The following GRIK2 variants were observed in gnomAD, a reference collection of about 807,000 sequenced individuals.
The protein encoded by GRIK2 is glutamate receptor ionotropic, kainate 2.
Under a neutral mutation model 100.3 loss-of-function variants are expected in GRIK2, and 32 were observed. The ratio of observed to expected loss-of-function variants is 0.32; its 90% CI spans 0.24 to 0.43. GRIK2 has a LOEUF of 0.43. Among genes scored for constraint, GRIK2 ranks in the 20% least tolerant of loss-of-function variants. The pLI is 1.00. For synonymous variants in GRIK2, 417 were observed against 389.4 expected, an observed-to-expected ratio of 1.07 and a Z score of -0.83; for missense variants, 843 against 1,114.9, an observed-to-expected ratio of 0.76 and a Z score of 3.47.
At chr6:101,843,310 C>T (rs1165290455) in intron 10 of GRIK2, among the ~76,000 whole-genome samples, 1 of 152,088 alleles carries the variant, frequency 6.6e-6, no homozygotes, top group African/African-American at 2.4e-5. Context: ...TTTTTCCTAA[C>T]TTAGGCCTTC....
At chr6:101,469,854 A>G (rs1188126593) in intron 2 of GRIK2, among the ~76,000 whole-genome samples, 1 of 152,164 alleles carries the variant, frequency 6.6e-6, no homozygotes, top group African/African-American at 2.4e-5. Context: ...CTTCATCTAA[A>G]TAGTCCTCTT....
rs565594620 is a variant in GRIK2, at chr6:101,713,389, G to C, written c.951+27036G>C. Reference sequence around the variant, plus strand: ...AATGCTAATTTTCTTCAGGTAATTCGGTTCGTGAAGACTGAAAGTCATTAT... The same window carrying C: ...AATGCTAATTTTCTTCAGGTAATTCCGTTCGTGAAGACTGAAAGTCATTAT... On this transcript the variant is annotated intron_variant, in intron 7 of 16. Coordinates refer to ENST00000369134, the MANE Select transcript of GRIK2 (RefSeq NM_021956.5). Among the ~76,000 whole-genome samples, 260 of 151,564 alleles carry C rather than the reference G, an allele frequency of 1.7e-3. 2 individuals are homozygous for C. The highest frequency in any genetic ancestry group is 5.7e-3 in the African/African-American group (235 of 41,394).
Position 101,975,158 on chromosome 6 carries a change from G to C in GRIK2, c.2085+46526G>C, listed in dbSNP as rs181694870. 2.6e-5 allele frequency among the ~76,000 whole-genome samples: 4 copies of C among 151,950 alleles called. 1 individual carries two copies. Among genetic ancestry groups the C allele is most frequent in the Admixed American group, 2.6e-4 (4 of 15,254 alleles). ...AGGAAAATAGTAGAGAAAAATCGTA[G>C]TTTCAGTTTGGGGTCTGTTAACTTT... On this transcript the variant is annotated intron_variant, in intron 14 of 16. Transcript: ENST00000369134.
At chr6:101,909,437 A>ATAAGAAG (rs1788504289) in intron 12 of GRIK2, among the ~76,000 whole-genome samples, 1 of 127,220 alleles carries the variant, frequency 7.9e-6, no homozygotes, top group South Asian at 2.4e-4. Flanking sequence ...GTCTACTGCT[A>ATAAGAAG]TAAGAAGTTG....
intron 9 of GRIK2, among the ~76,000 whole-genome samples, chr6:101,803,171 ATG>A (rs1780777558): frequency 6.6e-6 from 1 of 151,924 alleles, no homozygotes. Flanking sequence ...GAAAAATTAT[ATG>A]TGACTGAGAT....
chr6:101,849,190 G>A (rs1212258106), intron 10 of GRIK2, among the ~76,000 whole-genome samples: 1 of 151,642 alleles, frequency 6.6e-6, no homozygotes, highest in South Asian at 2.1e-4. Flanking sequence ...GAAGATTTGG[G>A]AAAATTCAAG....
chr6:101,503,891 A>G (rs1376569246), intron 2 of GRIK2, among the ~76,000 whole-genome samples: 1 of 152,150 alleles, frequency 6.6e-6, no homozygotes. Context: ...AGGTTGTGGG[A>G]AGACAAGGTA....
intron 16 of GRIK2, among the ~76,000 whole-genome samples, chr6:102,059,750 A>G (rs917617730): frequency 1.5e-4 from 23 of 150,656 alleles, no homozygotes; most frequent in Non-Finnish European, 3.1e-4. Context: ...GACATACATA[A>G]TTTTTCTTTT....
intron 2 of GRIK2, among the ~76,000 whole-genome samples, chr6:101,435,921 C>G (rs1228142192): frequency 6.6e-6 from 1 of 152,118 alleles, no homozygotes; most frequent in African/African-American, 2.4e-5. Context: ...ATTACTTTTA[C>G]ACATGAATAA....
intron 14 of GRIK2, among the ~76,000 whole-genome samples, chr6:101,937,507 G>A (rs2791804): frequency 0.034 from 5,200 of 152,118 alleles, 318 homozygotes; most frequent in African/African-American, 0.12. Flanking sequence ...ATTCAAGAAG[G>A]ACATATTTTG....
At chr6:101,399,788 G>GT (rs531739828) in intron 2 of GRIK2, among the ~76,000 whole-genome samples, 248 of 152,318 alleles carry the variant, frequency 1.6e-3, no homozygotes, top group African/African-American at 5.4e-3. Flanking sequence ...TGCGGGGCTG[G>GT]TGAGTTAACA....
At chr6:101,460,033 A>T (rs1434628597) in intron 2 of GRIK2, among the ~76,000 whole-genome samples, 1 of 152,168 alleles carries the variant, frequency 6.6e-6, no homozygotes, top group Non-Finnish European at 1.5e-5. Flanking sequence ...CTGGGATTAT[A>T]GGCATGAGCC....
chr6:101,829,283 A>C lies in GRIK2; in HGVS notation c.1317+10800A>C, dbSNP rs554392412. Among the ~76,000 whole-genome samples, 13 of 152,028 alleles carry C rather than the reference A, an allele frequency of 8.6e-5. 1 individual carries two copies. Among genetic ancestry groups the C allele is most frequent in the Admixed American group, 5.9e-4 (9 of 15,226 alleles). On this transcript the variant is annotated intron_variant, in intron 10 of 16. Transcript: ENST00000369134. ...ACTGTCAATGCTAAACCCACAGCCA[A>C]CATCATACTGACTGGGGAAAGGTTG...
At chr6:101,808,214 G>A (rs1467537424) in intron 9 of GRIK2, among the ~76,000 whole-genome samples, 3 of 151,970 alleles carry the variant, frequency 2.0e-5, no homozygotes, top group Non-Finnish European at 2.9e-5. Flanking sequence ...ATCATTTACA[G>A]CAAAAAGAGT....
chr6:102,044,181 T>TAATC (rs1770753977), intron 15 of GRIK2, among the ~76,000 whole-genome samples: 1 of 152,054 alleles, frequency 6.6e-6, no homozygotes, highest in African/African-American at 2.4e-5. Context: ...CATAACATTT[T>TAATC]AATCACCAAA....
chr6:101,908,229 G>C (rs1788377285), intron 12 of GRIK2, among the ~76,000 whole-genome samples: 1 of 72,266 alleles, frequency 1.4e-5, no homozygotes, highest in Non-Finnish European at 2.9e-5. Context: ...AGAAATTGTT[G>C]AGTCATTTTA....
At chr6:101,962,134 A>G (rs1408683785) in intron 14 of GRIK2, among the ~76,000 whole-genome samples, 1 of 152,116 alleles carries the variant, frequency 6.6e-6, no homozygotes, top group Non-Finnish European at 1.5e-5. Flanking sequence ...TACCTTATCC[A>G]TGGGACTCCA....
chr6:101,880,383 T>G (rs186766964), intron 11 of GRIK2, among the ~76,000 whole-genome samples: 1 of 152,216 alleles, frequency 6.6e-6, no homozygotes, highest in Admixed American at 6.6e-5. Flanking sequence ...ACCACTCCAC[T>G]GATCTCTTGC....
chr6:101,772,406 G>A (rs2128397915), intron 7 of GRIK2, among the ~76,000 whole-genome samples: 1 of 152,302 alleles, frequency 6.6e-6, no homozygotes, highest in South Asian at 2.1e-4. Flanking sequence ...TGTTGAGAAG[G>A]CAGAACAACA....
Sources: allele counts gnomAD v4.1 joint callset (sites outside exome capture counted in the v4.1 genomes callset), GRCh38; gene constraint gnomAD v4.1.1; transcripts MANE v1.5; gene names NCBI Gene and HGNC (gene_info 2026-07-23, HGNC 2026-07-21).